Variants in CNKSR2 observed in about 807,000 individuals in gnomAD.
The protein encoded by CNKSR2 is connector enhancer of kinase suppressor of Ras 2.
In CNKSR2, 14 loss-of-function variants were observed where a neutral mutation model predicts 84.4. That is an observed-to-expected ratio of 0.17 (90% CI 0.11 to 0.26). The LOEUF (loss-of-function observed/expected upper bound fraction) is 0.26. Among genes scored for constraint, CNKSR2 ranks in the 10% least tolerant of loss-of-function variants. The pLI is 1.00. For missense variants in CNKSR2, 485 were observed against 771.2 expected (o/e 0.63, Z 4.40); for synonymous variants, 275 against 277.9 (o/e 0.99, Z 0.10).
At chrX:21,598,250 A>G (rs1420637823) in intron 17 of CNKSR2, among the ~76,000 whole-genome samples, 1 of 111,387 alleles carries the variant, frequency 9.0e-6, no homozygotes, top group Non-Finnish European at 1.9e-5. Flanking sequence ...CTGTGGGGAT[A>G]AAATAAAACA....
intron 7 of CNKSR2, among the ~76,000 whole-genome samples, chrX:21,498,473 A>T: frequency 1.2e-5 from 1 of 82,324 alleles, no homozygotes; most frequent in South Asian, 3.9e-4. Context: ...AGAAGTCCAC[A>T]GGCCTATGTC....
At chrX:21,601,406 T>A (rs2092481465) in intron 18 of CNKSR2, 57 bp downstream of exon 18, 6 of 720,313 alleles carry the variant, frequency 8.3e-6, no homozygotes, top group Non-Finnish European at 1.0e-5. Flanking sequence ...GCAGTTATCC[T>A]ATACAGAAAT....
chrX:21,583,583 A>G (rs1349431174), intron 13 of CNKSR2, among the ~76,000 whole-genome samples: 1 of 111,891 alleles, frequency 8.9e-6, no homozygotes, highest in Non-Finnish European at 1.9e-5. Context: ...GTCACTGAAG[A>G]AATCTTGGAA....
chrX:21,521,996 A>G (rs949376863), intron 9 of CNKSR2, among the ~76,000 whole-genome samples: 6 of 111,061 alleles, frequency 5.4e-5, no homozygotes, highest in South Asian at 3.7e-4. Context: ...AAGTATTCCC[A>G]ATAATTTTCC....
chrX:21,479,961 C>T (rs370253084), intron 5 of CNKSR2, among the ~76,000 whole-genome samples: 1 of 110,812 alleles, frequency 9.0e-6, no homozygotes, highest in Non-Finnish European at 1.9e-5. Context: ...ACAGCACTAC[C>T]GATATCCCCA....
At chrX:21,614,300 G>A (rs2092566293) in intron 20 of CNKSR2, among the ~76,000 whole-genome samples, 1 of 111,814 alleles carries the variant, frequency 8.9e-6, no homozygotes, top group Admixed American at 9.5e-5. Context: ...AAATTGTATT[G>A]AAGGAAGAAA....
chrX:21,415,577 T>A (rs1380574173), intron 1 of CNKSR2, among the ~76,000 whole-genome samples: 3 of 90,640 alleles, frequency 3.3e-5, no homozygotes, highest in African/African-American at 1.3e-4. Flanking sequence ...TGTGATAGTT[T>A]GCTGAGAATG....
At chrX:21,527,184 A>T (rs925921766) in intron 10 of CNKSR2, among the ~76,000 whole-genome samples, 184 bp downstream of exon 10, 2 of 110,741 alleles carry the variant, frequency 1.8e-5, no homozygotes, top group Non-Finnish European at 3.8e-5. Flanking sequence ...AATAATAACT[A>T]ATTTGTATAT....
chrX:21,527,815 G>A (rs1362071915), intron 10 of CNKSR2, among the ~76,000 whole-genome samples: 1 of 109,578 alleles, frequency 9.1e-6, no homozygotes, highest in African/African-American at 3.3e-5. Context: ...AATAATTTAA[G>A]GTCTCTTGTT....
At chrX:21,577,905 C>A (rs1262187460) in intron 13 of CNKSR2, among the ~76,000 whole-genome samples, 1 of 111,227 alleles carries the variant, frequency 9.0e-6, no homozygotes, top group Non-Finnish European at 1.9e-5. Flanking sequence ...TCCAAAGTTT[C>A]CTCTTAATAA....
At chrX:21,612,853 C>T (rs756629433) in intron 20 of CNKSR2, among the ~76,000 whole-genome samples, 8 of 111,891 alleles carry the variant, frequency 7.1e-5, no homozygotes, top group African/African-American at 2.3e-4. Context: ...TCTGTGTTCT[C>T]GTAGTTGAAC....
chrX:21,431,172 T>C lies in CNKSR2; in HGVS notation c.229-1440T>C, dbSNP rs146832334. ...CTAAGTTTTCTCTTGTCTTAAATTG[T>C]CATAGGAAAAAAAGACACCTAAATG... is the stretch of plus-strand genomic sequence containing the variant. On this transcript the variant is annotated intron_variant, in intron 2 of 21. Transcript: ENST00000379510. Among the ~76,000 whole-genome samples the C allele has an allele frequency of 9.4e-3, 1,052 of 111,485 alleles. 12 individuals are homozygous for C. Among genetic ancestry groups the C allele is most frequent in the African/African-American group, 0.032 (979 of 30,747 alleles).
At chrX:21,450,330 C>T (rs966276941) in intron 4 of CNKSR2, among the ~76,000 whole-genome samples, 2 of 111,734 alleles carry the variant, frequency 1.8e-5, no homozygotes, top group Non-Finnish European at 3.8e-5. Flanking sequence ...ATTACTTGGA[C>T]AATTTAGTAT....
At chrX:21,567,527 TA>T (rs2092249219) in intron 13 of CNKSR2, among the ~76,000 whole-genome samples, 1 of 111,495 alleles carries the variant, frequency 9.0e-6, no homozygotes, top group South Asian at 3.7e-4. Context: ...GCAAGAGGAT[TA>T]GCTGCCTTAC....
chrX:21,485,000 G>A (rs1228121550), intron 5 of CNKSR2, among the ~76,000 whole-genome samples: 3 of 111,303 alleles, frequency 2.7e-5, no homozygotes, highest in Non-Finnish European at 5.7e-5. Context: ...AGGCCAACAT[G>A]GTGAAACCCC....
chrX:21,520,689 C>CT lies in CNKSR2; in HGVS notation c.957+4071dup, dbSNP rs749709439. 1.0e-2 allele frequency among the ~76,000 whole-genome samples: 980 copies of CT among 98,193 alleles called. 6 individuals carry two copies. The highest frequency in any genetic ancestry group is 0.028 in the African/African-American group (783 of 27,705). 85.3% of individuals were successfully genotyped at this position (98,193 alleles called of 115,157 possible). A position where few individuals can be genotyped will look rare whatever the true frequency, so the allele number is the denominator to read the frequency against. On this transcript the variant is annotated intron_variant, in intron 9 of 21. Coordinates refer to ENST00000379510, the MANE Select transcript of CNKSR2 (RefSeq NM_014927.5). Reference sequence around the variant, plus strand: ...ACTTTTAAAACATTTAAAAACCCAGCTTTTTTTTTTTTTGGTGAGAATGCA... The same window carrying CT: ...ACTTTTAAAACATTTAAAAACCCAGCTTTTTTTTTTTTTTGGTGAGAATGCA...
intron 1 of CNKSR2, among the ~76,000 whole-genome samples, chrX:21,375,269 C>T (rs753789366): frequency 8.9e-6 from 1 of 112,862 alleles, no homozygotes; most frequent in African/African-American, 3.2e-5. Flanking sequence ...CCTTACTGCC[C>T]CCGGGCCAGG....
chrX:21,441,131 T>G (rs916600023), intron 4 of CNKSR2: 2 of 118,964 alleles, frequency 1.7e-5, no homozygotes, highest in Admixed American at 1.9e-4. Context: ...AATATAAATG[T>G]TTAAATTAAG....
Position 21,393,222 on chromosome X carries a change from A to G in CNKSR2, c.64+18261A>G, listed in dbSNP as rs368588753. Among the ~76,000 whole-genome samples the G allele has an allele frequency of 1.3e-4, 15 of 112,435 alleles. No homozygotes were observed. The East Asian group carries it at 3.4e-3, about 25-fold the overall frequency. Reference sequence around the variant, plus strand: ...GCTGCCAAATGTCTTTTTCTGATTTATGCTCTGTGAGTACCAGCCTAGCTA... The same window carrying G: ...GCTGCCAAATGTCTTTTTCTGATTTGTGCTCTGTGAGTACCAGCCTAGCTA... On this transcript the variant is annotated intron_variant, in intron 1 of 21. Transcript: ENST00000379510.
Sources: allele counts gnomAD v4.1 joint callset (sites outside exome capture counted in the v4.1 genomes callset), GRCh38; gene constraint gnomAD v4.1.1; transcripts MANE v1.5; gene names NCBI Gene and HGNC (gene_info 2026-07-23, HGNC 2026-07-21).